The following SOX5 variants were observed in gnomAD, a reference collection of about 807,000 sequenced individuals.
SOX5 encodes transcription factor SOX-5.
SOX5 carries 9 observed loss-of-function variants against 92.0 expected under a neutral mutation model. That is an observed-to-expected ratio of 0.10 (90% CI 0.06 to 0.17). The LOEUF is 0.17. SOX5 is among the 10% of genes least tolerant of loss of function. The pLI is 1.00. For missense variants in SOX5, 642 were observed against 944.5 expected (o/e 0.68, Z 4.20); for synonymous variants, 344 against 336.3 (o/e 1.02, Z -0.25).
At chr12:23,817,165 A>AGCCAAAC (rs1232250742) in intron 3 of SOX5, among the ~76,000 whole-genome samples, 2 of 152,212 alleles carry the variant, frequency 1.3e-5, no homozygotes, top group Non-Finnish European at 2.9e-5. Context: ...ATATGTTTTT[A>AGCCAAAC]TTATGGATCA....
At chr12:23,654,850 G>A (rs905598322) in intron 7 of SOX5, among the ~76,000 whole-genome samples, 6 of 152,018 alleles carry the variant, frequency 3.9e-5, no homozygotes, top group East Asian at 1.9e-4. Context: ...CATTTTATTC[G>A]AGAGAGTAAA....
chr12:23,667,613 C>T (rs2084027884), intron 6 of SOX5, among the ~76,000 whole-genome samples: 1 of 152,082 alleles, frequency 6.6e-6, no homozygotes, highest in South Asian at 2.1e-4. Flanking sequence ...GTTCAAGATC[C>T]CATATTTAGC....
At chr12:24,379,151 G>A (rs1172639781) in intron 1 of SOX5, among the ~76,000 whole-genome samples, 1 of 152,160 alleles carries the variant, frequency 6.6e-6, no homozygotes. Flanking sequence ...CAGGAAATTA[G>A]CTGAAAGTAT....
intron 1 of SOX5, among the ~76,000 whole-genome samples, chr12:24,398,768 C>T (rs1442360131): frequency 6.6e-6 from 1 of 152,164 alleles, no homozygotes; most frequent in Admixed American, 6.5e-5. Flanking sequence ...TATTGCACAT[C>T]TAATAACAGG....
chr12:24,002,579 TACACA>T (rs1490760555), intron 4 of SOX5, among the ~76,000 whole-genome samples: 1 of 151,832 alleles, frequency 6.6e-6, no homozygotes, highest in Admixed American at 6.6e-5. Flanking sequence ...GTAATTTTCT[TACACA>T]TTATAAAATC....
At chr12:23,633,905 A>G (rs2078880038) in intron 8 of SOX5, among the ~76,000 whole-genome samples, 2 of 152,162 alleles carry the variant, frequency 1.3e-5, no homozygotes, top group African/African-American at 2.4e-5. Flanking sequence ...ATAAACTGTA[A>G]TAAGTGCTAA....
intron 1 of SOX5, among the ~76,000 whole-genome samples, chr12:24,374,371 A>C (rs1172141652): frequency 6.6e-6 from 1 of 152,170 alleles, no homozygotes; most frequent in African/African-American, 2.4e-5. Flanking sequence ...AGAAATAAAA[A>C]GCCACCGCTA....
chr12:24,433,798 G>T (rs1285782060), intron 1 of SOX5, among the ~76,000 whole-genome samples: 4 of 152,120 alleles, frequency 2.6e-5, no homozygotes, highest in Non-Finnish European at 5.9e-5. Context: ...CCAGAGTTTG[G>T]GATCGACAGG....
chr12:23,784,428 G>A (rs1390441038), intron 3 of SOX5, among the ~76,000 whole-genome samples: 1 of 152,028 alleles, frequency 6.6e-6, no homozygotes, highest in Non-Finnish European at 1.5e-5. Flanking sequence ...CCGGGTTCAC[G>A]CCATTTTCCC....
At chr12:24,152,847 G>A (rs1485789266) in intron 4 of SOX5, among the ~76,000 whole-genome samples, 4 of 150,386 alleles carry the variant, frequency 2.7e-5, no homozygotes, top group Non-Finnish European at 4.4e-5. Flanking sequence ...ACTGGCACAG[G>A]AAAAAAAAAA....
chr12:23,592,954 C>A (rs1319061880), intron 9 of SOX5, among the ~76,000 whole-genome samples: 1 of 151,984 alleles, frequency 6.6e-6, no homozygotes, highest in African/African-American at 2.4e-5. Context: ...CAGCAGGCAC[C>A]TGTAGTCCCA....
intron 2 of SOX5, among the ~76,000 whole-genome samples, chr12:23,890,146 C>T (rs544054427): frequency 1.6e-3 from 238 of 152,174 alleles, no homozygotes; most frequent in African/African-American, 5.4e-3. Flanking sequence ...ATGGCAAAAC[C>T]CCATCTCTAC....
intron 3 of SOX5, among the ~76,000 whole-genome samples, chr12:23,802,530 C>T (rs1168099679): frequency 6.6e-6 from 1 of 151,790 alleles, no homozygotes; most frequent in East Asian, 1.9e-4. Flanking sequence ...TCTTATATCC[C>T]AAAATTTGAC....
chr12:23,927,358 T>C (rs142122051), intron 1 of SOX5, among the ~76,000 whole-genome samples: 3 of 152,062 alleles, frequency 2.0e-5, no homozygotes, highest in African/African-American at 7.2e-5. Context: ...TCATTCTTCA[T>C]CACTATCTCT....
chr12:24,202,230 T>C (rs1362774673), intron 4 of SOX5, among the ~76,000 whole-genome samples: 2 of 152,222 alleles, frequency 1.3e-5, no homozygotes, highest in African/African-American at 4.8e-5. Flanking sequence ...ACAATTCTCC[T>C]TTCTTCCTAG....
chr12:23,925,636 C>A (rs1939743142), intron 1 of SOX5, among the ~76,000 whole-genome samples: 1 of 152,004 alleles, frequency 6.6e-6, no homozygotes. Flanking sequence ...GGTCTATAAT[C>A]ACATTTTATT....
intron 4 of SOX5, among the ~76,000 whole-genome samples, chr12:23,983,464 A>C (rs946388288): frequency 6.6e-6 from 1 of 152,186 alleles, no homozygotes; most frequent in African/African-American, 2.4e-5. Flanking sequence ...CTGTCACAGG[A>C]GGTCTCATGA....
chr12:24,294,300 A>G (rs1946953620), intron 2 of SOX5, among the ~76,000 whole-genome samples: 2 of 150,656 alleles, frequency 1.3e-5, no homozygotes, highest in African/African-American at 2.4e-5. Context: ...TTTCCTCAAC[A>G]CTCAGAACAG....
intron 9 of SOX5, among the ~76,000 whole-genome samples, chr12:23,593,888 A>G (rs1024588149): frequency 6.6e-6 from 1 of 152,036 alleles, no homozygotes; most frequent in African/African-American, 2.4e-5. Flanking sequence ...GGGAAGTGGG[A>G]TTTAAACATA....
Sources: allele counts gnomAD v4.1 joint callset (sites outside exome capture counted in the v4.1 genomes callset), GRCh38; gene constraint gnomAD v4.1.1; transcripts MANE v1.5; gene names NCBI Gene and HGNC (gene_info 2026-07-23, HGNC 2026-07-21).